MREG: variants seen among roughly 807,000 people sequenced by gnomAD.
MREG encodes dilute suppressor protein homolog.
Under a neutral mutation model 28.5 loss-of-function variants are expected in MREG, and 31 were observed. The ratio of observed to expected loss-of-function variants is 1.09; its 90% CI spans 0.82 to 1.47. MREG has a LOEUF of 1.47. Among genes scored for constraint, MREG ranks in the 40% most tolerant of loss-of-function variants. MREG has a pLI of 0.00. For synonymous variants in MREG, 106 were observed against 95.2 expected, an observed-to-expected ratio of 1.11 and a Z score of -0.66; for missense variants, 256 against 257.4, an observed-to-expected ratio of 0.99 and a Z score of 0.04.
At chr2:216,019,285 G>A (rs990180912) in intron 1 of MREG, among the ~76,000 whole-genome samples, 1 of 152,130 alleles carries the variant, frequency 6.6e-6, no homozygotes, top group Admixed American at 6.5e-5. Flanking sequence ...GGCAGGAAAA[G>A]GGTAATTGTG....
intron 1 of MREG, among the ~76,000 whole-genome samples, chr2:216,030,454 G>A (rs1386188152): frequency 6.6e-6 from 1 of 152,166 alleles, no homozygotes; most frequent in African/African-American, 2.4e-5. Context: ...TTTTTGTAAG[G>A]CTAAAATGAG....
intron 2 of MREG, among the ~76,000 whole-genome samples, chr2:215,960,703 G>A (rs995428807): frequency 7.2e-5 from 11 of 151,794 alleles, no homozygotes; most frequent in Non-Finnish European, 1.5e-4. Context: ...GCATGGTGGC[G>A]GGCACCTGTA....
At chr2:215,994,165 A>T (rs1693795987) in intron 2 of MREG, among the ~76,000 whole-genome samples, 1 of 152,040 alleles carries the variant, frequency 6.6e-6, no homozygotes, top group Non-Finnish European at 1.5e-5. Context: ...ACCAACCCAA[A>T]TGCCCATCAA....
At chr2:215,988,102 C>T (rs945667342) in intron 2 of MREG, among the ~76,000 whole-genome samples, 1 of 152,036 alleles carries the variant, frequency 6.6e-6, no homozygotes, top group African/African-American at 2.4e-5. Flanking sequence ...AGAGGTTATT[C>T]CAAGATGGCT....
intron 1 of MREG, among the ~76,000 whole-genome samples, chr2:216,011,645 C>A (rs1185022000): frequency 6.6e-6 from 1 of 152,180 alleles, no homozygotes; most frequent in African/African-American, 2.4e-5. Context: ...TCCAATTGAC[C>A]CTGGGGCTTC....
intron 1 of MREG, among the ~76,000 whole-genome samples, chr2:216,012,212 G>C (rs1299553284): frequency 1.3e-5 from 2 of 152,182 alleles, no homozygotes; most frequent in African/African-American, 4.8e-5. Context: ...CACCACTTGA[G>C]GGAGGGTTGG....
chr2:215,946,863 G>A (rs1239186914), intron 3 of MREG, among the ~76,000 whole-genome samples, 160 bp downstream of exon 3: 1 of 152,198 alleles, frequency 6.6e-6, no homozygotes, highest in African/African-American at 2.4e-5. Context: ...AGGCATTTAT[G>A]CTTGAGGATA....
At chr2:215,940,043 C>G (rs1403420331), downstream of MREG, among the ~76,000 whole-genome samples, 1 of 152,068 alleles carries the variant, frequency 6.6e-6, no homozygotes, top group East Asian at 1.9e-4. Context: ...AGGTGAGAAA[C>G]AATATCAAAT....
At chr2:216,011,166 A>G (rs1694298991) in intron 1 of MREG, among the ~76,000 whole-genome samples, 1 of 152,064 alleles carries the variant, frequency 6.6e-6, no homozygotes, top group South Asian at 2.1e-4. Flanking sequence ...ACTGAATTGC[A>G]TACTTTAAAA....
intron 1 of MREG, among the ~76,000 whole-genome samples, chr2:215,998,317 A>ATAAT (rs1553554002): frequency 1.6e-4 from 23 of 146,548 alleles, no homozygotes; most frequent in African/African-American, 5.7e-4. Flanking sequence ...CAAAAAAAAA[A>ATAAT]AAAAATAATA....
chr2:215,940,685 T>C (rs750865252), downstream of MREG, among the ~76,000 whole-genome samples: 3 of 152,172 alleles, frequency 2.0e-5, no homozygotes, highest in Non-Finnish European at 4.4e-5. Flanking sequence ...TATTTTGAAA[T>C]GGAGATTGGC....
At chr2:215,984,000 G>A (rs1347508372) in intron 2 of MREG, among the ~76,000 whole-genome samples, 2 of 152,172 alleles carry the variant, frequency 1.3e-5, no homozygotes, top group Non-Finnish European at 2.9e-5. Flanking sequence ...TTTTCATGCT[G>A]CTGATAAAGA....
chr2:215,950,871 G>T (rs1317839789), intron 2 of MREG, among the ~76,000 whole-genome samples: 3 of 152,176 alleles, frequency 2.0e-5, no homozygotes, highest in African/African-American at 7.2e-5. Flanking sequence ...GGAGGGGCCT[G>T]GTGGGAGGTG....
chr2:215,972,664 G>A (rs1397249074), intron 2 of MREG, among the ~76,000 whole-genome samples: 5 of 151,530 alleles, frequency 3.3e-5, no homozygotes, highest in African/African-American at 1.2e-4. Flanking sequence ...TTGGGATATG[G>A]ATATGTTCAT....
chr2:215,976,326 A>T (rs998196617), intron 2 of MREG, among the ~76,000 whole-genome samples: 2 of 152,186 alleles, frequency 1.3e-5, no homozygotes, highest in Non-Finnish European at 2.9e-5. Context: ...TATTTGAAAT[A>T]CATCCCTTGC....
chr2:216,001,128 T>C (rs1461564341), intron 1 of MREG, among the ~76,000 whole-genome samples: 1 of 152,160 alleles, frequency 6.6e-6, no homozygotes, highest in Non-Finnish European at 1.5e-5. Context: ...TTCCTCTCTT[T>C]TTCTCGCTTA....
intron 1 of MREG, among the ~76,000 whole-genome samples, chr2:216,001,034 C>G (rs1002670263): frequency 6.7e-6 from 1 of 149,850 alleles, no homozygotes. Flanking sequence ...GTCTCTCTTT[C>G]CTGTCTCTTG....
At chr2:215,996,689 C>T (rs41341446) in intron 1 of MREG, among the ~76,000 whole-genome samples, 60,864 of 151,950 alleles carry the variant, frequency 0.4, 12,821 homozygotes, top group African/African-American at 0.54. Context: ...AGAGAACAGA[C>T]GTACCTGAGC....
chr2:216,014,446 T>C (rs1367060557), upstream of MREG, among the ~76,000 whole-genome samples: 1 of 152,000 alleles, frequency 6.6e-6, no homozygotes, highest in African/African-American at 2.4e-5. Flanking sequence ...GTCAAGAGAT[T>C]GAGACCATCC....
Sources: allele counts gnomAD v4.1 joint callset (sites outside exome capture counted in the v4.1 genomes callset), GRCh38; gene constraint gnomAD v4.1.1; transcripts MANE v1.5; gene names NCBI Gene and HGNC (gene_info 2026-07-23, HGNC 2026-07-21).